PDE1C: variants seen among roughly 807,000 people sequenced by gnomAD.
The protein encoded by PDE1C is dual specificity calcium/calmodulin-dependent 3',5'-cyclic nucleotide phosphodiesterase 1C.
Under a neutral mutation model 93.1 loss-of-function variants are expected in PDE1C, and 62 were observed. The ratio of observed to expected loss-of-function variants is 0.67; its 90% CI spans 0.54 to 0.82. PDE1C has a LOEUF of 0.82. Ranked by LOEUF, PDE1C falls within the 40% of genes least tolerant of loss-of-function variation. PDE1C has a pLI of 0.00. For synonymous variants in PDE1C, 325 were observed against 310.1 expected (o/e 1.05, Z -0.50); for missense variants, 742 against 884.6 (o/e 0.84, Z 2.04).
At chr7:31,692,688 C>CTATT in the PDE1C span, among the ~76,000 whole-genome samples, 1 of 152,158 alleles carries the variant, frequency 6.6e-6, no homozygotes, top group African/African-American at 2.4e-5. Flanking sequence ...AGCCATGGGT[C>CTATT]TGTGGGGTCT....
In PDE1C at chr7:31,797,535, G is replaced by C. The variant is rs150996337; in HGVS notation, c.1891+11496C>G. ...AACAGTTAAGCACTGAAGTTATAAA[G>C]GGTTAATTTTTAAGGTAAGTAGAAG... On this transcript the variant is annotated intron_variant, in intron 16 of 17. Transcript: ENST00000396191. Among the ~76,000 whole-genome samples, 457 of 151,866 alleles carry C rather than the reference G, an allele frequency of 3.0e-3. 6 individuals are homozygous for C. Among genetic ancestry groups the C allele is most frequent in the African/African-American group, 0.01 (434 of 41,492 alleles).
At chr7:31,846,517 A>G (rs1449350657) in intron 9 of PDE1C, among the ~76,000 whole-genome samples, 1 of 152,182 alleles carries the variant, frequency 6.6e-6, no homozygotes, top group Non-Finnish European at 1.5e-5. Flanking sequence ...ACCTAAAACC[A>G]TAAAAACCCT....
the PDE1C span, among the ~76,000 whole-genome samples, chr7:31,736,549 T>G: frequency 6.6e-6 from 1 of 151,808 alleles, no homozygotes; most frequent in South Asian, 2.1e-4. Flanking sequence ...ACCGTGTGGC[T>G]TTTTTCCCTA....
At chr7:32,331,024 C>G (rs1783503135) in intron 1 of PDE1C, among the ~76,000 whole-genome samples, 1 of 151,302 alleles carries the variant, frequency 6.6e-6, no homozygotes, top group Admixed American at 6.6e-5. Flanking sequence ...CCTCCAAACC[C>G]TGGGCAAGAG....
chr7:32,086,178 A>G (rs36198851), intron 3 of PDE1C, among the ~76,000 whole-genome samples: 67,060 of 117,632 alleles, frequency 0.57, 20,118 homozygotes, highest in African/African-American at 0.66. Flanking sequence ...AAATCAATGT[A>G]CAAAAATCAC....
At chr7:31,665,346 G>C in the PDE1C span, among the ~76,000 whole-genome samples, 1 of 151,962 alleles carries the variant, frequency 6.6e-6, no homozygotes, top group Non-Finnish European at 1.5e-5. Context: ...ATCCTATTTT[G>C]TTTCTTTCAT....
chr7:31,809,104 G>A lies in PDE1C; in HGVS notation c.1818C>T (p.Asp606=). 1 of 1,562,232 alleles carries A rather than the reference G, an allele frequency of 6.4e-7. No individual in the cohort carries two copies. ...CTGTCTTATTTTTACCATCTTTGAAGTCACCTGAAAGTAATAAACATGACA... is the reference window on the plus strand; with the variant it reads ...CTGTCTTATTTTTACCATCTTTGAAATCACCTGAAAGTAATAAACATGACA... ...KSSGEQQQNG[D]FKDGKNKTDK... is the part of the protein sequence containing the mutation. Residue 606 remains aspartate (D), a synonymous_variant, in exon 16 of 18, where the codon GAC becomes GAT. Coordinates refer to ENST00000396191, the MANE Select transcript of PDE1C (RefSeq NM_001191057.4).
At chr7:32,427,214 G>A (rs1434701905) in intron 1 of PDE1C, among the ~76,000 whole-genome samples, 1 of 152,110 alleles carries the variant, frequency 6.6e-6, no homozygotes, top group Non-Finnish European at 1.5e-5. Flanking sequence ...TACTTACATT[G>A]TGTGGTCAGA....
At chr7:31,771,851 C>T (rs1000583806) in intron 17 of PDE1C, among the ~76,000 whole-genome samples, 2 of 151,900 alleles carry the variant, frequency 1.3e-5, no homozygotes, top group African/African-American at 2.4e-5. Flanking sequence ...GTCAGGAGAT[C>T]GAGACCATCC....
At chr7:32,075,908 C>T (rs146124194), upstream of PDE1C, among the ~76,000 whole-genome samples, 757 of 152,236 alleles carry the variant, frequency 5.0e-3, 9 homozygotes, top group African/African-American at 0.017. Flanking sequence ...TGCCTCACCA[C>T]GCCACCTAGG....
intron 2 of PDE1C, among the ~76,000 whole-genome samples, chr7:32,200,172 T>A (rs771763911): frequency 6.6e-6 from 1 of 152,200 alleles, no homozygotes; most frequent in Non-Finnish European, 1.5e-5. Flanking sequence ...GTTTGCTGAC[T>A]CTTGCTCATC....
chr7:32,195,202 C>T (rs529055394), intron 2 of PDE1C, among the ~76,000 whole-genome samples: 1 of 152,346 alleles, frequency 6.6e-6, no homozygotes, highest in East Asian at 1.9e-4. Context: ...GATTTAGCCA[C>T]ATTGTTGCTT....
chr7:31,901,228 AC>A (rs1799943167), intron 2 of PDE1C, among the ~76,000 whole-genome samples: 1 of 151,612 alleles, frequency 6.6e-6, no homozygotes, highest in Non-Finnish European at 1.5e-5. Context: ...AAATTTCATT[AC>A]TTTTAGATTA....
intron 1 of PDE1C, among the ~76,000 whole-genome samples, chr7:32,273,471 C>A (rs776531952): frequency 2.0e-5 from 3 of 152,200 alleles, no homozygotes; most frequent in Non-Finnish European, 2.9e-5. Flanking sequence ...CCCACTATTT[C>A]TTTAGCCACA....
chr7:32,212,185 A>G (rs981409318), intron 1 of PDE1C, among the ~76,000 whole-genome samples: 25 of 152,200 alleles, frequency 1.6e-4, no homozygotes, highest in Admixed American at 2.6e-4. Flanking sequence ...CTAAATGCTC[A>G]GCTTGGAGTG....
At chr7:32,148,969 A>G (rs1801072637) in intron 3 of PDE1C, among the ~76,000 whole-genome samples, 1 of 152,244 alleles carries the variant, frequency 6.6e-6, no homozygotes, top group Admixed American at 6.5e-5. Flanking sequence ...GTGGAAAACA[A>G]GATTCAGAAA....
intron 3 of PDE1C, among the ~76,000 whole-genome samples, chr7:32,161,551 T>C (rs1279158212): frequency 6.6e-6 from 1 of 151,900 alleles, no homozygotes; most frequent in East Asian, 1.9e-4. Context: ...CCAGGGGTAG[T>C]TTGGTCCAAG....
At chr7:31,679,566 A>G in the PDE1C span, among the ~76,000 whole-genome samples, 14 of 152,316 alleles carry the variant, frequency 9.2e-5, no homozygotes, top group African/African-American at 3.4e-4. Flanking sequence ...TGCAGCTACA[A>G]TTCAAATGTG....
At chr7:32,165,145 C>A (rs17160942) in intron 3 of PDE1C, among the ~76,000 whole-genome samples, 1 of 152,144 alleles carries the variant, frequency 6.6e-6, no homozygotes, top group South Asian at 2.1e-4. Context: ...AGTGTCTGCA[C>A]GTGGAGCCAC....
Sources: gnomAD v4.1 joint callset for allele counts (sites outside exome capture counted in the v4.1 genomes callset) on GRCh38, gnomAD v4.1.1 for gene constraint, MANE v1.5 for transcripts, NCBI Gene and HGNC (gene_info 2026-07-23, HGNC 2026-07-21) for gene names.